The following NCF2 variants were observed in gnomAD, a reference collection of about 807,000 sequenced individuals.
NCF2 encodes neutrophil cytosol factor 2.
NCF2 carries 45 observed loss-of-function variants against 70.9 expected under a neutral mutation model. That is an observed-to-expected ratio of 0.63 (90% CI 0.50 to 0.81). The LOEUF is 0.81. NCF2 is among the 40% of genes least tolerant of loss of function. NCF2 has a pLI of 0.00. For missense variants in NCF2, 522 were observed against 631.6 expected, an observed-to-expected ratio of 0.83 and a Z score of 1.86; for synonymous variants, 203 against 233.6, an observed-to-expected ratio of 0.87 and a Z score of 1.19.
chr1:183,569,031 T>G (rs879797288), intron 7 of NCF2, 111 bp downstream of exon 7: 1 of 1,030,022 alleles, frequency 9.7e-7, no homozygotes, highest in Non-Finnish European at 1.5e-6. Flanking sequence ...TTCCAGAAAA[T>G]TCAACAAGAT....
intron 2 of NCF2, among the ~76,000 whole-genome samples, chr1:183,584,430 G>T (rs1292116381): frequency 1.3e-5 from 2 of 152,210 alleles, no homozygotes; most frequent in African/African-American, 2.4e-5. Context: ...AAACTCGGTA[G>T]ATTTTTCTCT....
chr1:183,570,616 G>A (rs1442105071), intron 6 of NCF2, among the ~76,000 whole-genome samples, 164 bp downstream of exon 6: 2 of 152,208 alleles, frequency 1.3e-5, no homozygotes, highest in African/African-American at 4.8e-5. Flanking sequence ...ACCAGCCATG[G>A]AAACCAGGAC....
chr1:183,587,595 CAAAAAAAAA>C lies in NCF2; in HGVS notation c.175-627_175-619del, dbSNP rs11287969. Among the ~76,000 whole-genome samples, 13 of 41,890 alleles carry C rather than the reference CAAAAAAAAA, an allele frequency of 3.1e-4. 1 individual carries two copies. The highest frequency in any genetic ancestry group is 1.5e-3 in the South Asian group (1 of 652). The allele number at this position is 41,890 out of a possible 152,430, so 27.5% of individuals were successfully genotyped here. On this transcript the variant is annotated intron_variant, in intron 1 of 14. Coordinates refer to ENST00000367535, the MANE Select transcript of NCF2 (RefSeq NM_000433.4). Reference sequence around the variant, plus strand: ...GGCAACAAAGTAAGGCACCCTGTCTCAAAAAAAAAAAAAAAAAAAAAAAAAAAAAATCCA... The same window carrying C: ...GGCAACAAAGTAAGGCACCCTGTCTCAAAAAAAAAAAAAAAAAAAAATCCA...
At chr1:183,567,884 AG>A in intron 7 of NCF2, among the ~76,000 whole-genome samples, 1 of 152,192 alleles carries the variant, frequency 6.6e-6, no homozygotes. Context: ...GAGGCTGCCC[AG>A]CTGCCGTGGT....
rs761203093 is a variant in NCF2, at chr1:183,560,070, T to G, written c.1468+26A>C. 4 of 1,609,488 alleles carry G rather than the reference T, an allele frequency of 2.5e-6. No homozygotes were observed. The Admixed American group carries it at 5.0e-5, about 20-fold the overall frequency. The stretch of plus-strand genomic sequence containing the variant: ...TGTTTCTGCTAACATGTAAATTTGT[T>G]TCTATAGTCTTGGAGTAGCACTTAC... On this transcript the variant is annotated intron_variant, in intron 14 of 14. Transcript: ENST00000367535.
rs769211195 is a variant in NCF2, at chr1:183,563,592, G to C, written c.1027-7C>G. Reference sequence around the variant, plus strand: ...GAACACTGAGCTTCACTTCCTGAGTGGGGAGGAAACAAAGGGAACTCCTGA... The same window carrying C: ...GAACACTGAGCTTCACTTCCTGAGTCGGGAGGAAACAAAGGGAACTCCTGA... On this transcript the variant is annotated splice_region_variant and splice_polypyrimidine_tract_variant and intron_variant, in intron 11 of 14. Coordinates refer to ENST00000367535, the MANE Select transcript of NCF2 (RefSeq NM_000433.4). 6.2e-7 allele frequency: 1 copy of C among 1,613,044 alleles called. No individual in the cohort carries two copies. The highest frequency in any genetic ancestry group is 1.1e-5 in the South Asian group (1 of 91,014).
chr1:183,579,511 G>A (rs965327367), intron 2 of NCF2, among the ~76,000 whole-genome samples: 2 of 151,992 alleles, frequency 1.3e-5, no homozygotes, highest in Non-Finnish European at 2.9e-5. Context: ...TGGATCACGA[G>A]GTCAGGAGAT....
upstream of NCF2, among the ~76,000 whole-genome samples, chr1:183,594,949 G>A (rs1255777516): frequency 6.6e-6 from 1 of 152,126 alleles, no homozygotes; most frequent in Admixed American, 6.6e-5. Flanking sequence ...GCTCCTCAAA[G>A]GATAGAGCCA....
At chr1:183,578,418 T>C (rs1672903646) in intron 2 of NCF2, among the ~76,000 whole-genome samples, 1 of 151,784 alleles carries the variant, frequency 6.6e-6, no homozygotes, top group East Asian at 1.9e-4. Context: ...AGTGCAGTGG[T>C]GGGATTTCAG....
chr1:183,563,955 A>C (rs375864205), intron 11 of NCF2, 50 bp downstream of exon 11: 26 of 1,553,774 alleles, frequency 1.7e-5, no homozygotes, highest in Non-Finnish European at 1.9e-5. Context: ...TTGATAGCCC[A>C]AGCTATCCCA....
chr1:183,590,644 C>A, upstream of NCF2: 1 of 413,538 alleles, frequency 2.4e-6, no homozygotes, highest in South Asian at 2.1e-5. Context: ...CCTGAAGGAT[C>A]AGTTCCCCAA....
chr1:183,599,415 T>TTTCC, the NCF2 span, among the ~76,000 whole-genome samples: 724 of 129,496 alleles, frequency 5.6e-3, 8 homozygotes, highest in African/African-American at 0.019. Context: ...TCTTTCTTTC[T>TTTCC]TTCTTTCCTT....
intron 2 of NCF2, among the ~76,000 whole-genome samples, chr1:183,578,686 C>T (rs777651231): frequency 3.3e-5 from 5 of 152,172 alleles, no homozygotes; most frequent in Admixed American, 1.3e-4. Context: ...TTTTCTAATG[C>T]TGCTCCCACT....
intron 10 of NCF2, 106 bp from the exon 11 acceptor site, chr1:183,564,136 C>T: frequency 1.8e-6 from 2 of 1,092,622 alleles, no homozygotes; most frequent in African/African-American, 1.5e-5. Context: ...GGCCCCCAAC[C>T]TCTTACCCTT....
At position 183,556,126 on chromosome 1, in the gene NCF2, C is replaced by T. The variant is rs1671763263; in HGVS notation, c.1573G>A (p.Glu525Lys). 6.8e-6 allele frequency: 11 copies of T among 1,613,914 alleles called. No individual in the cohort carries two copies. The highest frequency in any genetic ancestry group is 9.3e-6 in the Non-Finnish European group (11 of 1,179,752). The stretch of plus-strand genomic sequence containing the variant: ...GTAGTTTGTGAAACATCCTAGACTT[C>T]TCTCCGAGTGCTTTCCAAATCTGTA... ...ATTDLESTRR[E>K]V Residue 525 changes from glutamate to lysine, a missense_variant, in exon 15 of 15, where the codon GAA becomes AAA. By Grantham distance (56) the Glu-to-Lys change is moderately conservative. Transcript: ENST00000367535.
chr1:183,586,545 T>A (rs1027127697), intron 2 of NCF2, among the ~76,000 whole-genome samples: 4 of 152,194 alleles, frequency 2.6e-5, no homozygotes, highest in African/African-American at 9.7e-5. Context: ...AGTTTCATGA[T>A]CATCCCCATT....
Position 183,590,345 on chromosome 1 carries a change from A to G in NCF2, c.-16T>C. The G allele has an allele frequency of 1.2e-6, 2 of 1,614,128 alleles. No homozygotes were observed. The highest frequency in any genetic ancestry group is 1.7e-6 in the Non-Finnish European group (2 of 1,179,994). ...CCAGGGACATGATTAGGTAGAAACT[A>G]GGAGGCCAAGAGAGCTGCCAGGAGA... On this transcript the variant is annotated 5_prime_UTR_variant, in exon 1 of 15. Transcript: ENST00000367535.
In NCF2 at chr1:183,567,363, A is replaced by G. The variant is rs1191933880; in HGVS notation, c.714-18T>C. ...CCAGAGCCCTGCAGAGGATAGACACAAGATCCAGCCCCCATCCCCTCACAT... is the reference window on the plus strand; with the variant it reads ...CCAGAGCCCTGCAGAGGATAGACACGAGATCCAGCCCCCATCCCCTCACAT... On this transcript the variant is annotated intron_variant, in intron 7 of 14. Transcript: ENST00000367535. The G allele has an allele frequency of 6.2e-7, 1 of 1,613,588 alleles. No homozygotes were observed. Among genetic ancestry groups the G allele is most frequent in the Non-Finnish European group, 8.5e-7 (1 of 1,180,022 alleles).
At position 183,573,299 on chromosome 1, in the gene NCF2, C is replaced by A; in HGVS notation, c.502-7G>T. ...GCTCATATAGCTTCTGCTTCTGTAACACAGAAAACGTAGCATTCCCTTATG... is the reference window on the plus strand; with the variant it reads ...GCTCATATAGCTTCTGCTTCTGTAAAACAGAAAACGTAGCATTCCCTTATG... On this transcript the variant is annotated splice_polypyrimidine_tract_variant and splice_region_variant and intron_variant, in intron 4 of 14. Transcript: ENST00000367535. 2 of 1,611,638 alleles carry A rather than the reference C, an allele frequency of 1.2e-6. No individual in the cohort carries two copies. The highest frequency in any genetic ancestry group is 2.2e-5 in the South Asian group (2 of 91,046).
Sources: allele counts gnomAD v4.1 joint callset (sites outside exome capture counted in the v4.1 genomes callset), GRCh38; gene constraint gnomAD v4.1.1; transcripts MANE v1.5; gene names NCBI Gene and HGNC (gene_info 2026-07-23, HGNC 2026-07-21).